Variants in DHX57 observed in about 807,000 individuals in gnomAD.
DHX57 encodes the protein putative ATP-dependent RNA helicase DHX57.
In DHX57, 105 loss-of-function variants were observed where a neutral mutation model predicts 156.2. The observed-to-expected ratio is 0.67, with a 90% CI of 0.57 to 0.79. DHX57 has a LOEUF of 0.79. Ranked by LOEUF, DHX57 falls within the 30% of genes least tolerant of loss-of-function variation. The probability of loss-of-function intolerance (pLI) is 0.00; values close to 1 mark genes in which losing one functional copy is unlikely to be tolerated. For missense variants in DHX57, 1,847 were observed against 1,661.9 expected, an observed-to-expected ratio of 1.11 and a Z score of -1.94; for synonymous variants, 704 against 595.6, an observed-to-expected ratio of 1.18 and a Z score of -2.65.
chr2:38,812,780 G>A (rs546966148), intron 21 of DHX57, among the ~76,000 whole-genome samples: 7 of 152,132 alleles, frequency 4.6e-5, no homozygotes, highest in East Asian at 3.9e-4. Context: ...CGATCCGCCC[G>A]CCTCGGCCTC....
At chr2:38,802,407 C>T (rs559671409) in intron 23 of DHX57, among the ~76,000 whole-genome samples, 4 of 152,086 alleles carry the variant, frequency 2.6e-5, no homozygotes, top group East Asian at 3.9e-4. Flanking sequence ...CATGTCTCAG[C>T]GTCCTGAGTA....
At chr2:38,867,179 T>C (rs1027523575) in intron 2 of DHX57, 1 of 152,202 alleles carries the variant, frequency 6.6e-6, no homozygotes. Context: ...TAGGAGCAAT[T>C]GGCTACATCA....
chr2:38,818,615 C>A (rs576268557), intron 19 of DHX57, among the ~76,000 whole-genome samples: 24 of 152,268 alleles, frequency 1.6e-4, no homozygotes, highest in African/African-American at 5.8e-4. Context: ...AAGCAGCAAT[C>A]TTACTGCCTA....
At chr2:38,862,437 C>T in intron 3 of DHX57, 104 bp from the exon 4 acceptor site, 2 of 1,092,880 alleles carry the variant, frequency 1.8e-6, no homozygotes, top group Non-Finnish European at 2.5e-6. Context: ...CCTGACTACT[C>T]TTCAGTTGCT....
At position 38,802,699 on chromosome 2, in the gene DHX57, C is replaced by A; in HGVS notation, c.4017+16G>T. On this transcript the variant is annotated intron_variant, in intron 23 of 23. Coordinates refer to ENST00000457308, the MANE Select transcript of DHX57 (RefSeq NM_198963.3). ...CATGGCCTGAGCCTCATAAAACAGACCAATTCTGCCTTTACCTGATGGGAA... is the reference window on the plus strand; with the variant it reads ...CATGGCCTGAGCCTCATAAAACAGAACAATTCTGCCTTTACCTGATGGGAA... 2.5e-6 allele frequency: 4 copies of A among 1,613,576 alleles called. No homozygotes were observed. The highest frequency in any genetic ancestry group is 1.1e-5 in the South Asian group (1 of 91,078).
intron 2 of DHX57, 68 bp from the exon 3 acceptor site, chr2:38,863,587 G>A: frequency 1.3e-6 from 2 of 1,483,668 alleles, no homozygotes; most frequent in Non-Finnish European, 9.1e-7. Context: ...CTCCTCAGGG[G>A]TCCCCAGATA....
chr2:38,806,366 A>C, intron 22 of DHX57, 193 bp downstream of exon 22: 1 of 585,806 alleles, frequency 1.7e-6, no homozygotes, highest in East Asian at 3.2e-5. Context: ...ATTCAGTAGA[A>C]TTTTCTTCAA....
rs1370679390 is a variant in DHX57 at position 38,798,220 on chromosome 2, G to C, written c.*79C>G. On this transcript the variant is annotated 3_prime_UTR_variant, in exon 24 of 24. Transcript: ENST00000457308. ...CAGGGCCAGCCCCAATAGGTCTTTA[G>C]TTCGAGGTAGAGGTTCTGCTGTTAT... is the stretch of plus-strand genomic sequence containing the variant. The C allele has an allele frequency of 7.8e-6, 12 of 1,538,636 alleles. No individual in the cohort carries two copies. In the South Asian group the frequency reaches 1.4e-4, roughly 18 times the overall value.
At chr2:38,863,324 C>G in intron 3 of DHX57, 37 bp downstream of exon 3, 1 of 1,589,496 alleles carries the variant, frequency 6.3e-7, no homozygotes, top group Non-Finnish European at 8.5e-7. Flanking sequence ...AGTATGTTTT[C>G]CTTAATATAA....
rs776363433 is a variant in DHX57, at chr2:38,861,814, C to G, written c.596G>C (p.Cys199Ser). Residue 199 changes from cysteine to serine, a missense_variant, in exon 5 of 24, where the codon TGT becomes TCT. By Grantham distance (112) the Cys-to-Ser change is moderately radical (BLOSUM62 -1). Coordinates refer to ENST00000457308, the MANE Select transcript of DHX57 (RefSeq NM_198963.3). ...LSRYGFNTER[C>S]QAVLRMCDGD... ...ATCACACATCCTCAGGACCGCTTGA[C>G]AGCGTTCAGTATTGAAACCATACCT... The G allele has an allele frequency of 5.2e-5, 83 of 1,610,588 alleles. No individual in the cohort carries two copies. Among genetic ancestry groups the G allele is most frequent in the Non-Finnish European group, 6.8e-5 (80 of 1,178,324 alleles).
rs771343880 is a variant in DHX57 at position 38,798,421 on chromosome 2, G to C, written c.4039C>G (p.Leu1347Val). ...AGAAGCTGATCAAGTTCGCAACGAA[G>C]CTCCTTTACCAGTTCAGCCACCTAA... The part of the protein sequence containing the change: ...SHQVAELVKE[L>V]RCELDQLLQD... The change falls in exon 24 of 24, where the codon CTT becomes GTT. Residue 1347 changes from leucine (L) to valine (V), a missense_variant. By Grantham distance (32) the Leu-to-Val change is conservative (BLOSUM62 1). Coordinates refer to ENST00000457308, the MANE Select transcript of DHX57 (RefSeq NM_198963.3). The C allele has an allele frequency of 6.8e-6, 11 of 1,613,670 alleles. No homozygotes were observed. In the South Asian group the frequency reaches 1.2e-4, roughly 18 times the overall value.
chr2:38,838,438 G>A (rs1234978403), intron 12 of DHX57, among the ~76,000 whole-genome samples: 2 of 152,088 alleles, frequency 1.3e-5, no homozygotes, highest in African/African-American at 2.4e-5. Flanking sequence ...CTCATCAGAA[G>A]TAATTTTTGC....
At chr2:38,830,812 G>C (rs1671340848) in intron 13 of DHX57, among the ~76,000 whole-genome samples, 1 of 152,058 alleles carries the variant, frequency 6.6e-6, no homozygotes, top group Admixed American at 6.6e-5. Flanking sequence ...ATTTTATTGA[G>C]GTCAGGTGTG....
chr2:38,811,481 CT>C, intron 21 of DHX57: 7 of 724,408 alleles, frequency 9.7e-6, no homozygotes, highest in Non-Finnish European at 7.4e-6. Context: ...CAATGAACAC[CT>C]TTTTGGACCC....
At chr2:38,808,676 G>T (rs555619240) in intron 21 of DHX57, among the ~76,000 whole-genome samples, 2 of 152,216 alleles carry the variant, frequency 1.3e-5, no homozygotes, top group African/African-American at 2.4e-5. Flanking sequence ...TAGAAAGGGG[G>T]TATAAACTTA....
At position 38,842,303 on chromosome 2, in the gene DHX57, G is replaced by A. The variant is rs188397387; in HGVS notation, c.2425+702C>T. On this transcript the variant is annotated intron_variant, in intron 12 of 23. Coordinates refer to ENST00000457308, the MANE Select transcript of DHX57 (RefSeq NM_198963.3). The stretch of plus-strand genomic sequence containing the variant: ...TGAGGAGCTGTTCTAGATCAAAGGA[G>A]ACTAAGAATACATGACTGAATGTAA... Among the ~76,000 whole-genome samples the A allele has an allele frequency of 2.1e-3, 317 of 152,290 alleles. 1 individual carries two copies. Among genetic ancestry groups the A allele is most frequent in the African/African-American group, 7.1e-3 (297 of 41,564 alleles).
At chr2:38,829,426 C>T (rs959198219) in intron 13 of DHX57, among the ~76,000 whole-genome samples, 2 of 151,880 alleles carry the variant, frequency 1.3e-5, no homozygotes, top group Non-Finnish European at 2.9e-5. Context: ...GGATTACAGG[C>T]ACACGCCAGC....
rs781229451 is a variant in DHX57 at position 38,861,059 on chromosome 2, G to A, written c.1351C>T (p.Pro451Ser). 1 of 1,614,108 alleles carries A rather than the reference G, an allele frequency of 6.2e-7. No homozygotes were observed. Among genetic ancestry groups the A allele is most frequent in the East Asian group, 2.2e-5 (1 of 44,886 alleles). The change falls in exon 5 of 24, where the codon CCT (proline) becomes TCT (serine). Residue 451 changes from proline to serine, a missense_variant. Pro to Ser is a moderately conservative substitution (Grantham distance 74, BLOSUM62 -1). Coordinates refer to ENST00000457308, the MANE Select transcript of DHX57 (RefSeq NM_198963.3). ...GGAATCACTGTTTTATGACAGGCAG[G>A]ATTATTTATTCTGGTCCTAGAGGGT... ...PVPSRTRINN[P>S]ACHKTVIPNN... is the part of the protein sequence containing the mutation.
In DHX57 at chr2:38,823,164, T is replaced by C. The variant is rs768857851; in HGVS notation, c.3120A>G (p.Leu1040=). Residue 1040 remains leucine, a synonymous_variant, in exon 17 of 24, where the codon TTA becomes TTG. Coordinates refer to ENST00000457308, the MANE Select transcript of DHX57 (RefSeq NM_198963.3). ...TDSLRASKIR[L]RDLGALTPDE... is the part of the protein sequence containing the mutation. ...CTGGAGTTAATGCTCCTAAGTCTCG[T>C]AATCGTATTTTTGAGGCACGAAGAG... 5 of 1,614,044 alleles carry C rather than the reference T, an allele frequency of 3.1e-6. No individual in the cohort carries two copies. In the African/African-American group the frequency reaches 6.7e-5, roughly 22 times the overall value.
Sources: allele counts gnomAD v4.1 joint callset (sites outside exome capture counted in the v4.1 genomes callset), GRCh38; gene constraint gnomAD v4.1.1; transcripts MANE v1.5; gene names NCBI Gene and HGNC (gene_info 2026-07-23, HGNC 2026-07-21).